KNDC1: variants seen among roughly 807,000 people sequenced by gnomAD.
KNDC1 encodes kinase non-catalytic C-lobe domain-containing protein 1.
KNDC1 carries 106 observed loss-of-function variants against 172.8 expected under a neutral mutation model. That is an observed-to-expected ratio of 0.61 (90% CI 0.52 to 0.72). The LOEUF (loss-of-function observed/expected upper bound fraction) is 0.72, where lower values mean the gene tolerates loss of function less well. Ranked by LOEUF, KNDC1 falls within the 30% of genes least tolerant of loss-of-function variation. The probability of loss-of-function intolerance (pLI) is 0.00; values close to 1 mark genes in which losing one functional copy is unlikely to be tolerated. For missense variants in KNDC1, 2,325 were observed against 2,394.5 expected (o/e 0.97, Z 0.61); for synonymous variants, 1,083 against 1,062.2 (o/e 1.02, Z -0.38).
At chr10:133,196,741 G>C (rs555558400) in intron 10 of KNDC1, among the ~76,000 whole-genome samples, 7 of 152,190 alleles carry the variant, frequency 4.6e-5, no homozygotes, top group African/African-American at 1.7e-4. Context: ...GTGGCCGGGG[G>C]CAGGGAGCGT....
chr10:133,199,371 C>A, intron 14 of KNDC1, 87 bp from the exon 15 acceptor site: 1 of 1,569,942 alleles, frequency 6.4e-7, no homozygotes, highest in South Asian at 1.2e-5. Context: ...CAGCCGAGAT[C>A]AGCCTTGTCC....
chr10:133,187,602 AC>A lies in KNDC1; in HGVS notation c.1326+929del, dbSNP rs1239555221. 9.2e-5 allele frequency among the ~76,000 whole-genome samples: 14 copies of A among 152,090 alleles called. No homozygotes were observed. The East Asian group carries it at 2.7e-3, about 30-fold the overall frequency. ...ACTCTCCCTGGCGGCACGCCTTCCC[AC>A]GCACAACAGCCTACCTTCCCGAAGG... On this transcript the variant is annotated intron_variant, in intron 6 of 29. Coordinates refer to ENST00000304613, the MANE Select transcript of KNDC1 (RefSeq NM_152643.8).
rs925451616 is a variant in KNDC1 at position 133,163,086 on chromosome 10, G to A, written c.102+2517G>A. Among the ~76,000 whole-genome samples, 25 of 152,170 alleles carry A rather than the reference G, an allele frequency of 1.6e-4. No individual in the cohort carries two copies. Among genetic ancestry groups the A allele is most frequent in the Non-Finnish European group, 2.9e-4 (20 of 68,034 alleles). On this transcript the variant is annotated intron_variant, in intron 1 of 29. Coordinates refer to ENST00000304613, the MANE Select transcript of KNDC1 (RefSeq NM_152643.8). The surrounding 1 kb of genome is among the most constrained non-coding windows in gnomAD (Gnocchi z 4.4). ...TGAGATTTCAGTCACTGTGGATGGG[G>A]GTATGGGATCTGAGGCAGAACAGTG...
chr10:133,204,664 T>G (rs3008380), intron 17 of KNDC1, among the ~76,000 whole-genome samples: 76,202 of 152,124 alleles, frequency 0.5, 19,185 homozygotes, highest in East Asian at 0.63. Flanking sequence ...GTCGCCTGCA[T>G]TTTTTTATTT....
At chr10:133,213,271 C>T (rs1233641874) in intron 24 of KNDC1, among the ~76,000 whole-genome samples, 2 of 152,234 alleles carry the variant, frequency 1.3e-5, no homozygotes, top group Non-Finnish European at 2.9e-5. Flanking sequence ...CTGGGCCAAC[C>T]CGGTTCCTTG....
intron 3 of KNDC1, among the ~76,000 whole-genome samples, chr10:133,177,409 A>G (rs530245287): frequency 2.0e-5 from 3 of 151,230 alleles, no homozygotes; most frequent in East Asian, 4.0e-4. Context: ...GTGTGTTTCA[A>G]GCACACGTGT....
intron 5 of KNDC1, among the ~76,000 whole-genome samples, chr10:133,185,556 C>T (rs539170968): frequency 2.8e-4 from 43 of 152,066 alleles, no homozygotes; most frequent in African/African-American, 9.2e-4. Context: ...AGATCAACGC[C>T]GTGTGTGGGA....
Position 133,199,271 on chromosome 10 carries a change from G to A in KNDC1, c.2758+5G>A, listed in dbSNP as rs747666105. 4.5e-6 allele frequency: 7 copies of A among 1,550,076 alleles called. No individual in the cohort carries two copies. In the East Asian group the frequency reaches 6.9e-5, roughly 15 times the overall value. On this transcript the variant is annotated splice_donor_5th_base_variant and intron_variant, in intron 14 of 29. Coordinates refer to ENST00000304613, the MANE Select transcript of KNDC1 (RefSeq NM_152643.8). ...GGCTGGAGGCTCTGATCATGGGTAC[G>A]TGGGGGCCGCAGACGCCCCAGAGGA... is the stretch of plus-strand genomic sequence containing the variant.
rs757703919 is a variant in KNDC1 at position 133,224,923 on chromosome 10, C to G, written c.*33C>G. 10 of 1,551,146 alleles carry G rather than the reference C, an allele frequency of 6.4e-6. No homozygotes were observed. Among genetic ancestry groups the G allele is most frequent in the Non-Finnish European group, 8.9e-6 (10 of 1,127,156 alleles). ...CGGGCCTGGTGTGGAATTCCAGATC[C>G]GAATCCGACTGTGGGGGGCGGGCTG... On this transcript the variant is annotated 3_prime_UTR_variant, in exon 30 of 30. Transcript: ENST00000304613. This position sits in a 1 kb window ranked among gnomAD's most constrained non-coding sequence, Gnocchi z 5.4.
rs1379612602 is a variant in KNDC1 at position 133,201,432 on chromosome 10, A to G, written c.2990-69A>G. 3 of 1,500,676 alleles carry G rather than the reference A, an allele frequency of 2.0e-6. No individual in the cohort carries two copies. In the African/African-American group the frequency reaches 4.2e-5, roughly 21 times the overall value. The allele number at this position is 1,500,676 out of a possible 1,614,324, so 93.0% of individuals were successfully genotyped here. A position where few individuals can be genotyped will look rare whatever the true frequency, so the allele number is the denominator to read the frequency against. On this transcript the variant is annotated intron_variant, in intron 16 of 29. Coordinates refer to ENST00000304613, the MANE Select transcript of KNDC1 (RefSeq NM_152643.8). ...GGTGTGCAAGCACCACCGGCCTCCC[A>G]TTAACAGCCTGCCCGGGCTCCGCCC...
rs767895415 is a variant in KNDC1, at chr10:133,206,961, G to A, written c.3579+8G>A. The A allele has an allele frequency of 4.3e-6, 7 of 1,613,032 alleles. No homozygotes were observed. Among genetic ancestry groups the A allele is most frequent in the Middle Eastern group, 1.7e-4 (1 of 6,058 alleles). ...GTCAAGAAGTATCTGCAGGCAAGTG[G>A]GCTCCGGGCCCCGCTCTGCCCCGTG... On this transcript the variant is annotated splice_region_variant and intron_variant, in intron 19 of 29. Transcript: ENST00000304613.
chr10:133,197,532 T>G lies in KNDC1; in HGVS notation c.1813-143T>G, dbSNP rs902664499. 4.2e-6 allele frequency: 3 copies of G among 711,046 alleles called. No individual in the cohort carries two copies. In the East Asian group the frequency reaches 7.6e-5, roughly 18 times the overall value. The allele number at this position is 711,046 out of a possible 1,614,324, so 44.0% of individuals were successfully genotyped here. Reference sequence around the variant, plus strand: ...CTCCAGGCAGAGCCGCTGCAGAGCTTGGGCCGTGTGGCCGCCATGCCCGGC... The same window carrying G: ...CTCCAGGCAGAGCCGCTGCAGAGCTGGGGCCGTGTGGCCGCCATGCCCGGC... On this transcript the variant is annotated intron_variant, in intron 11 of 29. Coordinates refer to ENST00000304613, the MANE Select transcript of KNDC1 (RefSeq NM_152643.8).
chr10:133,199,155 C>T lies in KNDC1; in HGVS notation c.2647C>T (p.Pro883Ser), dbSNP rs757474142. ...CTGTCTGCCCTGCGTGGATGCCTCG[C>T]CACTCCCAGGGAGGACGGCCTGCCC... Reference protein sequence around the residue: ...RLCLPCVDASPLPGRTACPSL... With the variant: ...RLCLPCVDASSLPGRTACPSL... Residue 883 changes from proline to serine, a missense_variant, in exon 14 of 30, where the codon CCA becomes TCA. Pro to Ser is a moderately conservative substitution (Grantham distance 74). Transcript: ENST00000304613. 1 of 1,601,874 alleles carries T rather than the reference C, an allele frequency of 6.2e-7. No individual in the cohort carries two copies.
At chr10:133,207,409 A>AG (rs535405746) in intron 20 of KNDC1, 58 bp downstream of exon 20, 32 of 1,516,670 alleles carry the variant, frequency 2.1e-5, no homozygotes, top group East Asian at 4.5e-5. Flanking sequence ...TGCTGAGAAG[A>AG]GGGGGGGAAC....
At position 133,160,431 on chromosome 10, in the gene KNDC1, C is replaced by G; in HGVS notation, c.-37C>G. 7.1e-7 allele frequency: 1 copy of G among 1,400,446 alleles called. No homozygotes were observed. The highest frequency in any genetic ancestry group is 9.5e-7 in the Non-Finnish European group (1 of 1,053,852). The allele number at this position is 1,400,446 out of a possible 1,614,324, so 86.8% of individuals were successfully genotyped here. On this transcript the variant is annotated 5_prime_UTR_variant, in exon 1 of 30. Transcript: ENST00000304613. ...GTAGCCGAGCCCAGCCCAGCCCAGC[C>G]GGAGGCCCCGGGGGCGGTGCGCGGC... is the stretch of plus-strand genomic sequence containing the variant.
rs1469967715 is a variant in KNDC1, at chr10:133,167,630, G to A, written c.301+51G>A. The stretch of plus-strand genomic sequence containing the variant: ...GGCGGCGGGCACGCGGGGTGGAGGT[G>A]CCTTTCAGGGGGGATGTGAGCACTG... On this transcript the variant is annotated intron_variant, in intron 2 of 29. Transcript: ENST00000304613. 5 of 1,521,590 alleles carry A rather than the reference G, an allele frequency of 3.3e-6. 1 individual carries two copies. The highest frequency in any genetic ancestry group is 4.4e-6 in the Non-Finnish European group (5 of 1,126,774). The allele number at this position is 1,521,590 out of a possible 1,614,324, so 94.3% of individuals were successfully genotyped here.
intron 9 of KNDC1, among the ~76,000 whole-genome samples, chr10:133,192,060 G>C (rs916477758): frequency 6.6e-6 from 1 of 152,236 alleles, no homozygotes; most frequent in African/African-American, 2.4e-5. Flanking sequence ...ATCAGTGTTG[G>C]TAAAACAGCT....
intron 3 of KNDC1, among the ~76,000 whole-genome samples, 173 bp downstream of exon 3, chr10:133,168,485 C>T (rs1853258440): frequency 6.6e-6 from 1 of 152,058 alleles, no homozygotes; most frequent in Admixed American, 6.5e-5. Flanking sequence ...CTGGGGCACA[C>T]CCGGCTTCGT....
intron 5 of KNDC1, among the ~76,000 whole-genome samples, chr10:133,184,282 C>T (rs1417403711): frequency 1.5e-5 from 2 of 134,510 alleles, no homozygotes; most frequent in Admixed American, 7.6e-5. Context: ...TGCACACACA[C>T]GCTGCACACA....
Sources: allele counts gnomAD v4.1 joint callset (sites outside exome capture counted in the v4.1 genomes callset), GRCh38; gene constraint gnomAD v4.1.1; non-coding constraint Gnocchi (gnomAD v3.1); transcripts MANE v1.5; gene names NCBI Gene and HGNC (gene_info 2026-07-23, HGNC 2026-07-21).